The following XPR1 variants were observed in gnomAD, a reference collection of about 807,000 sequenced individuals.
The protein encoded by XPR1 is xenotropic and polytropic retrovirus receptor 1.
A neutral mutation model predicts 87.5 loss-of-function variants in XPR1; 28 were observed. That is an observed-to-expected ratio of 0.32 (90% CI 0.24 to 0.44). XPR1 has a LOEUF of 0.44. XPR1 is among the 20% of genes least tolerant of loss of function. The pLI is 1.00. For synonymous variants in XPR1, 300 were observed against 306.1 expected (o/e 0.98, Z 0.21); for missense variants, 559 against 862.3 (o/e 0.65, Z 4.41).
intron 2 of XPR1, among the ~76,000 whole-genome samples, chr1:180,771,568 T>C (rs1361622652): frequency 6.6e-6 from 1 of 152,178 alleles, no homozygotes; most frequent in Non-Finnish European, 1.5e-5. Context: ...CAATTCAGGA[T>C]CTCACGTTGC....
chr1:180,644,853 C>T (rs952692089), intron 1 of XPR1, among the ~76,000 whole-genome samples: 5 of 151,674 alleles, frequency 3.3e-5, no homozygotes, highest in Non-Finnish European at 5.9e-5. Flanking sequence ...TAGAACTCAA[C>T]ATAATGTAGA....
intron 9 of XPR1, among the ~76,000 whole-genome samples, chr1:180,829,964 G>A (rs978364871): frequency 6.6e-6 from 1 of 151,784 alleles, no homozygotes; most frequent in Non-Finnish European, 1.5e-5. Flanking sequence ...GATGGGGTTG[G>A]CAGAGTATGA....
rs114198234 is a variant in XPR1 at position 180,726,400 on chromosome 1, T to C, written c.121+43989T>C. ...TGCTGCTGCTCACTCTTTGGGTCCC[T>C]ACCACCTTTAAGAGCTGTAACACTC... On this transcript the variant is annotated intron_variant, in intron 2 of 14. Transcript: ENST00000367590. 5.1e-3 allele frequency among the ~76,000 whole-genome samples: 775 copies of C among 152,298 alleles called. 2 individuals carry two copies. The highest frequency in any genetic ancestry group is 7.2e-3 in the Non-Finnish European group (492 of 68,028).
intron 2 of XPR1, among the ~76,000 whole-genome samples, chr1:180,696,225 T>TAC (rs1657172382): frequency 2.1e-5 from 3 of 143,876 alleles, no homozygotes; most frequent in African/African-American, 7.7e-5. Flanking sequence ...TATATATATA[T>TAC]ATATATTATG....
At chr1:180,714,821 C>T (rs1399861717) in intron 2 of XPR1, among the ~76,000 whole-genome samples, 15 of 151,020 alleles carry the variant, frequency 9.9e-5, no homozygotes, top group Non-Finnish European at 1.6e-4. Flanking sequence ...ATTTCTGTTG[C>T]GACCCTTTTC....
chr1:180,738,580 A>G (rs773798968), intron 2 of XPR1, among the ~76,000 whole-genome samples: 6 of 152,218 alleles, frequency 3.9e-5, no homozygotes, highest in Non-Finnish European at 5.9e-5. Flanking sequence ...ATTCAGAGTT[A>G]TGTAACCATC....
intron 1 of XPR1, among the ~76,000 whole-genome samples, chr1:180,636,431 T>C (rs1654760695): frequency 6.6e-6 from 1 of 152,232 alleles, no homozygotes; most frequent in Non-Finnish European, 1.5e-5. Flanking sequence ...TGAATGAATG[T>C]TGTAAAGACA....
intron 2 of XPR1, among the ~76,000 whole-genome samples, chr1:180,711,058 C>T (rs1173603717): frequency 2.7e-5 from 4 of 149,834 alleles, no homozygotes; most frequent in Non-Finnish European, 4.4e-5. Flanking sequence ...TCAGACGGGG[C>T]GGCCGGGCAG....
At chr1:180,825,994 G>T (rs1408129433) in intron 9 of XPR1, among the ~76,000 whole-genome samples, 1 of 152,144 alleles carries the variant, frequency 6.6e-6, no homozygotes, top group Non-Finnish European at 1.5e-5. Context: ...AAGTTGCAGT[G>T]AGCCGCGATT....
intron 1 of XPR1, among the ~76,000 whole-genome samples, chr1:180,654,897 A>G (rs1655404467): frequency 6.6e-6 from 1 of 152,212 alleles, no homozygotes; most frequent in Non-Finnish European, 1.5e-5. Flanking sequence ...GTGTACAAAT[A>G]TCTATCTGAG....
At chr1:180,752,644 A>G (rs1279419320) in intron 2 of XPR1, among the ~76,000 whole-genome samples, 7 of 152,192 alleles carry the variant, frequency 4.6e-5, no homozygotes, top group African/African-American at 1.7e-4. Flanking sequence ...TTGATGAACT[A>G]TAATTTTAAC....
chr1:180,884,557 C>G lies in XPR1; in HGVS notation c.*491C>G, dbSNP rs1435985390. 1 of 152,582 alleles carries G rather than the reference C, an allele frequency of 6.6e-6. No homozygotes were observed. Among genetic ancestry groups the G allele is most frequent in the Admixed American group, 6.5e-5 (1 of 15,286 alleles). 9.5% of individuals were successfully genotyped at this position (152,582 alleles called of 1,614,324 possible). A position where few individuals can be genotyped will look rare whatever the true frequency, so the allele number is the denominator to read the frequency against. On this transcript the variant is annotated 3_prime_UTR_variant, in exon 15 of 15. Transcript: ENST00000367590. Reference sequence around the variant, plus strand: ...AGCGCAAAGGCACTGGCCGCACTTGCAGGAAAAGTGCAACTTAAAGCAGTA... The same window carrying G: ...AGCGCAAAGGCACTGGCCGCACTTGGAGGAAAAGTGCAACTTAAAGCAGTA...
chr1:180,706,051 A>G (rs1657545287), intron 2 of XPR1, among the ~76,000 whole-genome samples: 1 of 152,226 alleles, frequency 6.6e-6, no homozygotes, highest in Admixed American at 6.5e-5. Flanking sequence ...GGGAAGATTT[A>G]GTAGAACACT....
chr1:180,729,273 C>T (rs903864745), intron 2 of XPR1, among the ~76,000 whole-genome samples: 4 of 152,108 alleles, frequency 2.6e-5, no homozygotes, highest in African/African-American at 4.8e-5. Context: ...TCCCTGTCTT[C>T]GCTGTTGTGA....
At position 180,884,114 on chromosome 1, in the gene XPR1, C is replaced by T; in HGVS notation, c.*48C>T. The T allele has an allele frequency of 1.3e-6, 2 of 1,586,460 alleles. No homozygotes were observed. The highest frequency in any genetic ancestry group is 1.7e-6 in the Non-Finnish European group (2 of 1,157,272). On this transcript the variant is annotated 3_prime_UTR_variant, in exon 15 of 15. Coordinates refer to ENST00000367590, the MANE Select transcript of XPR1 (RefSeq NM_004736.4). ...ATCTTTGGTTTTCCTACTCTACAAT[C>T]CTTTCCTCGACCAACGCAACCTCTA...
rs75067146 is a variant in XPR1 at position 180,884,432 on chromosome 1, C to T, written c.*366C>T. 0.034 allele frequency: 5,539 copies of T among 161,040 alleles called. 366 individuals are homozygous for T. Among genetic ancestry groups the T allele is most frequent in the African/African-American group, 0.12 (5,193 of 41,810 alleles). The allele number at this position is 161,040 out of a possible 1,614,324, so 10.0% of individuals were successfully genotyped here. ...CTGATGGGACGGTACTGAGATATCT[C>T]GGCTTCCGCTCAGCCCGGTTTTGAC... is the stretch of plus-strand genomic sequence containing the variant. On this transcript the variant is annotated 3_prime_UTR_variant, in exon 15 of 15. Coordinates refer to ENST00000367590, the MANE Select transcript of XPR1 (RefSeq NM_004736.4).
At chr1:180,843,035 T>A (rs1168040480) in intron 11 of XPR1, among the ~76,000 whole-genome samples, 1 of 152,230 alleles carries the variant, frequency 6.6e-6, no homozygotes, top group Non-Finnish European at 1.5e-5. Flanking sequence ...TAACGTTCTC[T>A]AAGGGCTGCT....
At chr1:180,834,788 A>G (rs1651215296) in intron 9 of XPR1, 86 bp from the exon 10 acceptor site, 1 of 1,396,262 alleles carries the variant, frequency 7.2e-7, no homozygotes, top group Non-Finnish European at 9.6e-7. Flanking sequence ...AACTAAAGTA[A>G]TCATGCTGAA....
intron 1 of XPR1, among the ~76,000 whole-genome samples, chr1:180,681,946 A>T (rs1445039783): frequency 6.6e-6 from 1 of 152,240 alleles, no homozygotes; most frequent in African/African-American, 2.4e-5. Context: ...TAAAATGGTG[A>T]ATTTTATGTT....
Sources: gnomAD v4.1 joint callset for allele counts (sites outside exome capture counted in the v4.1 genomes callset) on GRCh38, gnomAD v4.1.1 for gene constraint, MANE v1.5 for transcripts, NCBI Gene and HGNC (gene_info 2026-07-23, HGNC 2026-07-21) for gene names.